KCNB2: variants seen among roughly 807,000 people sequenced by gnomAD.
KCNB2 encodes delayed rectifier potassium channel protein.
In KCNB2, 15 loss-of-function variants were observed where a neutral mutation model predicts 61.5. That is an observed-to-expected ratio of 0.24 (90% CI 0.16 to 0.38). KCNB2 has a LOEUF of 0.38. Ranked by LOEUF, KCNB2 falls within the 10% of genes least tolerant of loss-of-function variation. The pLI is 1.00. For synonymous variants in KCNB2, 457 were observed against 446.0 expected (o/e 1.02, Z -0.31); for missense variants, 828 against 1,125.2 (o/e 0.74, Z 3.78).
At chr8:72,800,940 A>G (rs962286720) in intron 2 of KCNB2, among the ~76,000 whole-genome samples, 1 of 152,172 alleles carries the variant, frequency 6.6e-6, no homozygotes, top group Admixed American at 6.5e-5. Flanking sequence ...GTGAAACTTC[A>G]GTTCCAACCT....
intron 2 of KCNB2, among the ~76,000 whole-genome samples, chr8:72,836,430 G>A (rs2129002243): frequency 6.6e-6 from 1 of 152,352 alleles, no homozygotes; most frequent in East Asian, 1.9e-4. Context: ...GGCAACAGCA[G>A]ACAGATGCTT....
At chr8:72,617,105 G>A (rs981001863) in intron 2 of KCNB2, among the ~76,000 whole-genome samples, 3 of 152,280 alleles carry the variant, frequency 2.0e-5, no homozygotes, top group Non-Finnish European at 4.4e-5. Context: ...ACACATCTGT[G>A]AGGCCAGGGT....
intron 2 of KCNB2, among the ~76,000 whole-genome samples, chr8:72,826,503 A>G (rs1410872620): frequency 6.6e-6 from 1 of 152,236 alleles, no homozygotes; most frequent in African/African-American, 2.4e-5. Context: ...GGTTGTGGAC[A>G]GCTGTTCCCG....
intron 2 of KCNB2, among the ~76,000 whole-genome samples, chr8:72,893,107 A>T (rs1047553001): frequency 6.6e-6 from 1 of 152,014 alleles, no homozygotes; most frequent in East Asian, 1.9e-4. Context: ...GATTAAAAAA[A>T]AAAAAAAACT....
At chr8:72,626,318 C>A (rs142350735) in intron 2 of KCNB2, among the ~76,000 whole-genome samples, 12 of 152,288 alleles carry the variant, frequency 7.9e-5, no homozygotes, top group African/African-American at 2.4e-4. Context: ...GGACCAGGAG[C>A]CTGTACTGTA....
At chr8:72,770,453 G>A (rs2128997141) in intron 2 of KCNB2, among the ~76,000 whole-genome samples, 1 of 152,272 alleles carries the variant, frequency 6.6e-6, no homozygotes, top group South Asian at 2.1e-4. Flanking sequence ...AACAGAGTAA[G>A]AAAATGTCCC....
At chr8:72,613,227 A>G (rs952520663) in intron 2 of KCNB2, among the ~76,000 whole-genome samples, 12 of 152,296 alleles carry the variant, frequency 7.9e-5, no homozygotes, top group South Asian at 2.1e-4. Flanking sequence ...CAAACAGGCA[A>G]TTATCTCCAG....
intron 2 of KCNB2, among the ~76,000 whole-genome samples, chr8:72,600,089 TG>T (rs1279231963): frequency 6.6e-6 from 1 of 152,218 alleles, no homozygotes; most frequent in African/African-American, 2.4e-5. Context: ...CATCCCATTA[TG>T]GGGTATACAC....
At chr8:72,544,915 C>T (rs1161684396) in intron 1 of KCNB2, among the ~76,000 whole-genome samples, 2 of 152,080 alleles carry the variant, frequency 1.3e-5, no homozygotes, top group East Asian at 1.9e-4. Flanking sequence ...ACCTGGCTTC[C>T]ATTCACATTC....
At chr8:72,593,143 G>A (rs1807128134) in intron 2 of KCNB2, among the ~76,000 whole-genome samples, 1 of 152,136 alleles carries the variant, frequency 6.6e-6, no homozygotes, top group Non-Finnish European at 1.5e-5. Context: ...TAAATTAGAA[G>A]ATAATGAGTA....
At chr8:72,675,407 G>C (rs1013873444) in intron 2 of KCNB2, among the ~76,000 whole-genome samples, 3 of 151,998 alleles carry the variant, frequency 2.0e-5, no homozygotes, top group African/African-American at 7.3e-5. Context: ...CCATTTCCCT[G>C]TGTCTAGAAG....
chr8:72,561,745 A>ACG (rs1370189448), intron 1 of KCNB2, among the ~76,000 whole-genome samples: 11 of 30,780 alleles, frequency 3.6e-4, no homozygotes, highest in African/African-American at 1.6e-3. Context: ...CTATATATAT[A>ACG]TGTATATATA....
chr8:72,577,331 TAGAG>T (rs747805527), intron 2 of KCNB2, among the ~76,000 whole-genome samples: 33 of 151,360 alleles, frequency 2.2e-4, no homozygotes, highest in Middle Eastern at 3.4e-3. Flanking sequence ...GAGAAAGAGA[TAGAG>T]AGAGAGAGAT....
chr8:72,794,564 C>CAAAAAAAAAA (rs397892520), intron 2 of KCNB2, among the ~76,000 whole-genome samples: 1 of 56,964 alleles, frequency 1.8e-5, no homozygotes, highest in Non-Finnish European at 3.3e-5. Context: ...GACTCCATCT[C>CAAAAAAAAAA]AAAAAAAAAA....
intron 2 of KCNB2, among the ~76,000 whole-genome samples, chr8:72,737,583 A>G (rs1176369818): frequency 2.6e-5 from 4 of 152,212 alleles, no homozygotes; most frequent in Non-Finnish European, 4.4e-5. Flanking sequence ...GGCAAACTTC[A>G]TGGCAGCATG....
chr8:72,901,502 C>G (rs986035577), intron 2 of KCNB2, among the ~76,000 whole-genome samples: 1 of 152,070 alleles, frequency 6.6e-6, no homozygotes, highest in East Asian at 1.9e-4. Context: ...TCTTCTATAC[C>G]TTGCTTTTTT....
intron 2 of KCNB2, among the ~76,000 whole-genome samples, chr8:72,689,022 C>A (rs1477540532): frequency 6.6e-6 from 1 of 152,154 alleles, no homozygotes; most frequent in African/African-American, 2.4e-5. Context: ...AGCCACCATG[C>A]CCAGCCTATT....
intron 2 of KCNB2, among the ~76,000 whole-genome samples, chr8:72,734,006 C>T (rs767427928): frequency 7.2e-5 from 11 of 152,148 alleles, no homozygotes; most frequent in South Asian, 2.1e-4. Context: ...AGGCAACTCT[C>T]CTCAATCGTC....
intron 2 of KCNB2, among the ~76,000 whole-genome samples, chr8:72,662,955 T>G (rs1476125868): frequency 6.6e-6 from 1 of 152,184 alleles, no homozygotes; most frequent in African/African-American, 2.4e-5. Flanking sequence ...AGAAAACTGA[T>G]GATCAGAATG....
Sources: gnomAD v4.1 joint callset for allele counts (sites outside exome capture counted in the v4.1 genomes callset) on GRCh38, gnomAD v4.1.1 for gene constraint, MANE v1.5 for transcripts, NCBI Gene and HGNC (gene_info 2026-07-23, HGNC 2026-07-21) for gene names.